The following CLEC16A variants were observed in gnomAD, a reference collection of about 807,000 sequenced individuals.
The protein encoded by CLEC16A is C-type lectin domain containing 16A, also known as protein CLEC16A.
In CLEC16A, 51 loss-of-function variants were observed where a neutral mutation model predicts 109.5. The observed-to-expected ratio is 0.47, with a 90% CI of 0.37 to 0.59. The LOEUF is 0.59. CLEC16A is among the 20% of genes least tolerant of loss of function. CLEC16A has a pLI of 0.00. For missense variants in CLEC16A, 1,339 were observed against 1,394.0 expected (o/e 0.96, Z 0.63); for synonymous variants, 673 against 564.2 (o/e 1.19, Z -2.73).
intron 16 of CLEC16A, among the ~76,000 whole-genome samples, chr16:11,046,804 C>T (rs148654675): frequency 2.6e-5 from 4 of 152,220 alleles, no homozygotes; most frequent in South Asian, 4.2e-4. Flanking sequence ...AACATAACCC[C>T]GAAAGCACTC....
At chr16:11,145,652 C>T (rs2054021983) in intron 22 of CLEC16A, among the ~76,000 whole-genome samples, 1 of 152,264 alleles carries the variant, frequency 6.6e-6, no homozygotes, top group Non-Finnish European at 1.5e-5. Flanking sequence ...GGCTGTGCCC[C>T]CATCAGTCTT....
chr16:11,062,346 G>A (rs2048527341), intron 19 of CLEC16A, among the ~76,000 whole-genome samples: 1 of 152,176 alleles, frequency 6.6e-6, no homozygotes, highest in Non-Finnish European at 1.5e-5. Context: ...AAGGGTTAGT[G>A]TATAATTCAA....
At chr16:11,109,256 C>G (rs182549496) in intron 19 of CLEC16A, among the ~76,000 whole-genome samples, 51 of 151,890 alleles carry the variant, frequency 3.4e-4, no homozygotes, top group African/African-American at 1.2e-3. Context: ...ACCTGGAACT[C>G]CAGGCTCAAG....
intron 18 of CLEC16A, among the ~76,000 whole-genome samples, chr16:11,055,312 G>A (rs2048153596): frequency 6.6e-6 from 1 of 152,190 alleles, no homozygotes; most frequent in African/African-American, 2.4e-5. Context: ...CAGATAGAGT[G>A]ATCGGAAGAG....
chr16:11,165,356 G>T (rs868108570), intron 22 of CLEC16A, among the ~76,000 whole-genome samples: 2 of 151,994 alleles, frequency 1.3e-5, no homozygotes, highest in Non-Finnish European at 2.9e-5. Flanking sequence ...TTTGGGTATG[G>T]TGGCATATCC....
At chr16:11,025,936 A>G (rs1045512345) in intron 13 of CLEC16A, among the ~76,000 whole-genome samples, 1 of 152,184 alleles carries the variant, frequency 6.6e-6, no homozygotes, top group Non-Finnish European at 1.5e-5. Flanking sequence ...ATATGGTTTT[A>G]TTTGTATGAC....
intron 21 of CLEC16A, among the ~76,000 whole-genome samples, chr16:11,125,133 A>G (rs940995095): frequency 6.6e-6 from 1 of 152,106 alleles, no homozygotes; most frequent in African/African-American, 2.4e-5. Flanking sequence ...TACCGATGCG[A>G]TGATTTACTG....
chr16:11,020,367 A>C, intron 12 of CLEC16A, 42 bp downstream of exon 12: 1 of 1,562,866 alleles, frequency 6.4e-7, no homozygotes, highest in African/African-American at 1.4e-5. Flanking sequence ...CTCTCAGGGA[A>C]GAGGAGAGGG....
chr16:10,945,738 A>C (rs2041326224), intron 1 of CLEC16A, among the ~76,000 whole-genome samples: 1 of 152,210 alleles, frequency 6.6e-6, no homozygotes, highest in Non-Finnish European at 1.5e-5. Context: ...TTATCAGCTC[A>C]GCGAGGCCTT....
At chr16:10,949,950 C>G (rs2041637540) in intron 1 of CLEC16A, among the ~76,000 whole-genome samples, 1 of 152,212 alleles carries the variant, frequency 6.6e-6, no homozygotes, top group Non-Finnish European at 1.5e-5. Context: ...CTAGCTCTAT[C>G]CCGAAAATGC....
intron 19 of CLEC16A, among the ~76,000 whole-genome samples, chr16:11,117,726 C>T (rs1861198): frequency 0.7 from 106,424 of 152,130 alleles, 38,614 homozygotes; most frequent in African/African-American, 0.89. Flanking sequence ...GTCCACAGTT[C>T]GGTTAAACAA....
At chr16:10,960,258 A>G (rs1391154655) in intron 2 of CLEC16A, among the ~76,000 whole-genome samples, 1 of 152,012 alleles carries the variant, frequency 6.6e-6, no homozygotes, top group Non-Finnish European at 1.5e-5. Context: ...CTAGCATCCC[A>G]TCCATGTTCC....
chr16:10,984,096 G>A (rs2146785541), intron 10 of CLEC16A, among the ~76,000 whole-genome samples: 1 of 152,256 alleles, frequency 6.6e-6, no homozygotes, highest in Middle Eastern at 3.4e-3. Flanking sequence ...GCAGTGGCCA[G>A]GCTGGTAAAA....
intron 22 of CLEC16A, among the ~76,000 whole-genome samples, chr16:11,141,551 G>A (rs919684662): frequency 3.3e-5 from 5 of 152,228 alleles, no homozygotes; most frequent in Admixed American, 2.6e-4. Flanking sequence ...GTTTCATTCT[G>A]CGTGCTCTGG....
At chr16:11,071,735 C>T (rs987010505) in intron 19 of CLEC16A, among the ~76,000 whole-genome samples, 2 of 145,274 alleles carry the variant, frequency 1.4e-5, no homozygotes, top group African/African-American at 5.1e-5. Context: ...TACAGATGTG[C>T]ACCACCACAC....
intron 16 of CLEC16A, among the ~76,000 whole-genome samples, chr16:11,046,735 A>G (rs574869753): frequency 7.2e-5 from 11 of 152,328 alleles, no homozygotes; most frequent in African/African-American, 2.2e-4. Context: ...CAGAACCAAG[A>G]CTATGCCCAC....
At chr16:10,955,492 A>G (rs1337558339) in intron 1 of CLEC16A, among the ~76,000 whole-genome samples, 1 of 152,078 alleles carries the variant, frequency 6.6e-6, no homozygotes, top group East Asian at 1.9e-4. Flanking sequence ...TCCACCTGGG[A>G]GGGGGGCATG....
rs545978902 is a variant in CLEC16A at position 11,104,026 on chromosome 16, C to G, written c.2117-16589C>G. Among the ~76,000 whole-genome samples the G allele has an allele frequency of 5.3e-5, 8 of 152,270 alleles. No homozygotes were observed. In the South Asian group the frequency reaches 1.7e-3, roughly 32 times the overall value. On this transcript the variant is annotated intron_variant, in intron 19 of 23. Transcript: ENST00000409790. ...GAGGTCTGGCCAGCATCTGTGGGTA[C>G]CAGGATCCCCCACAGATGTGTGTGG...
chr16:10,957,523 A>T (rs1698157818), intron 1 of CLEC16A, among the ~76,000 whole-genome samples: 1 of 152,224 alleles, frequency 6.6e-6, no homozygotes, highest in Non-Finnish European at 1.5e-5. Flanking sequence ...TGCACACTGC[A>T]GTTTGAGAGT....
Sources: gnomAD v4.1 joint callset for allele counts (sites outside exome capture counted in the v4.1 genomes callset) on GRCh38, gnomAD v4.1.1 for gene constraint, MANE v1.5 for transcripts, NCBI Gene and HGNC (gene_info 2026-07-23, HGNC 2026-07-21) for gene names.